Variants in CLYBL observed in about 807,000 individuals in gnomAD.
The protein encoded by CLYBL is citramalyl-CoA lyase, mitochondrial.
A neutral mutation model predicts 38.9 loss-of-function variants in CLYBL; 31 were observed. That is an observed-to-expected ratio of 0.80 (90% confidence interval 0.60 to 1.08). The LOEUF is 1.08. Ranked by LOEUF, CLYBL falls within the 50% of genes least tolerant of loss-of-function variation. The probability of loss-of-function intolerance (pLI) is 0.00; values close to 1 mark genes in which losing one functional copy is unlikely to be tolerated. For missense variants in CLYBL, 434 were observed against 411.6 expected (o/e 1.05, Z -0.47); for synonymous variants, 171 against 158.6 (o/e 1.08, Z -0.59).
chr13:99,905,953 T>C (rs2052693569), intron 9 of CLYBL, among the ~76,000 whole-genome samples: 2 of 152,126 alleles, frequency 1.3e-5, no homozygotes, highest in African/African-American at 4.8e-5. Flanking sequence ...TTTGTATTTT[T>C]TGTAGAAACG....
chr13:99,623,580 A>C (rs1048822451), intron 1 of CLYBL, among the ~76,000 whole-genome samples: 6 of 151,904 alleles, frequency 3.9e-5, no homozygotes, highest in African/African-American at 9.7e-5. Flanking sequence ...TTATTTCTTT[A>C]TTTATTTTTT....
chr13:99,849,054 G>A lies in CLYBL; in HGVS notation c.250-9807G>A, dbSNP rs189593179. ...CTTGGGAGGCTGAGGCTGGAGAATC[G>A]CTTGAACCCAGGAGGTGGAGGCTGC... On this transcript the variant is annotated intron_variant, in intron 2 of 8. Coordinates refer to ENST00000339105, the MANE Select transcript of CLYBL (RefSeq NM_206808.5). The surrounding 1 kb of genome is among the most constrained non-coding windows in gnomAD (Gnocchi z 4.9). 3.4e-4 allele frequency among the ~76,000 whole-genome samples: 51 copies of A among 151,958 alleles called. No individual in the cohort carries two copies. Among genetic ancestry groups the A allele is most frequent in the African/African-American group, 6.0e-4 (25 of 41,422 alleles).
chr13:99,736,175 G>C (rs2139586304), intron 1 of CLYBL, among the ~76,000 whole-genome samples: 1 of 149,690 alleles, frequency 6.7e-6, no homozygotes, highest in Admixed American at 6.8e-5. Context: ...CTCCTAAGCA[G>C]TTGGGATTAC....
At chr13:99,665,686 C>G (rs1359441995) in intron 1 of CLYBL, among the ~76,000 whole-genome samples, 3 of 151,940 alleles carry the variant, frequency 2.0e-5, no homozygotes, top group Non-Finnish European at 4.4e-5. Flanking sequence ...TCGAATCGAG[C>G]TTAATTTCTG....
chr13:99,825,274 G>A (rs1163868833), intron 2 of CLYBL, among the ~76,000 whole-genome samples: 1 of 152,172 alleles, frequency 6.6e-6, no homozygotes, highest in African/African-American at 2.4e-5. Flanking sequence ...CGTCAGGACA[G>A]GCTGTTAACC....
At chr13:99,827,528 T>A (rs1387964480) in intron 2 of CLYBL, among the ~76,000 whole-genome samples, 4 of 152,110 alleles carry the variant, frequency 2.6e-5, no homozygotes, top group Non-Finnish European at 5.9e-5. Flanking sequence ...GGACAGGACC[T>A]CCCCTTAGGA....
chr13:99,628,956 G>C (rs2046906464), intron 1 of CLYBL, among the ~76,000 whole-genome samples: 1 of 152,208 alleles, frequency 6.6e-6, no homozygotes, highest in Admixed American at 6.5e-5. Flanking sequence ...AAAAAAAATT[G>C]ACTATGGTAA....
intron 1 of CLYBL, among the ~76,000 whole-genome samples, chr13:99,651,943 A>AG (rs961038645): frequency 6.6e-6 from 1 of 151,080 alleles, no homozygotes; most frequent in Non-Finnish European, 1.5e-5. Context: ...GGGGGAAAAA[A>AG]AGATTCTTGG....
At chr13:99,791,940 T>G (rs2049925938) in intron 2 of CLYBL, among the ~76,000 whole-genome samples, 1 of 152,174 alleles carries the variant, frequency 6.6e-6, no homozygotes, top group Non-Finnish European at 1.5e-5. Context: ...TGCTATTTTT[T>G]AAGCTTCCCC....
chr13:99,671,330 A>C (rs913537614), intron 1 of CLYBL, among the ~76,000 whole-genome samples: 2 of 152,162 alleles, frequency 1.3e-5, no homozygotes, highest in African/African-American at 4.8e-5. Flanking sequence ...CTGCAGGCCA[A>C]AGAGTTTGAG....
chr13:99,651,825 G>T (rs2047257707), intron 1 of CLYBL, among the ~76,000 whole-genome samples: 1 of 152,076 alleles, frequency 6.6e-6, no homozygotes, highest in African/African-American at 2.4e-5. Flanking sequence ...CCAGCTACTT[G>T]GGAGGCTGAG....
At chr13:99,665,818 T>C (rs772816242) in intron 1 of CLYBL, among the ~76,000 whole-genome samples, 1 of 152,218 alleles carries the variant, frequency 6.6e-6, no homozygotes, top group Non-Finnish European at 1.5e-5. Flanking sequence ...TGATTCATGT[T>C]AGATAAAACA....
At chr13:99,857,572 C>T (rs2051491181) in intron 2 of CLYBL, among the ~76,000 whole-genome samples, 1 of 152,180 alleles carries the variant, frequency 6.6e-6, no homozygotes, top group Admixed American at 6.5e-5. Flanking sequence ...CTCTTCCCAT[C>T]TGACCCGACA....
intron 1 of CLYBL, among the ~76,000 whole-genome samples, chr13:99,709,919 C>CTTTTT (rs2048202258): frequency 8.7e-6 from 1 of 115,062 alleles, no homozygotes; most frequent in African/African-American, 3.3e-5. Context: ...TTTTTTCTTT[C>CTTTTT]TTTCTTTTTT....
At chr13:99,789,087 T>C (rs2049861346) in intron 2 of CLYBL, among the ~76,000 whole-genome samples, 1 of 152,200 alleles carries the variant, frequency 6.6e-6, no homozygotes, top group African/African-American at 2.4e-5. Context: ...TTGATTCTTC[T>C]CTCTTTTCTT....
intron 1 of CLYBL, among the ~76,000 whole-genome samples, chr13:99,754,902 C>T (rs1278120519): frequency 1.5e-5 from 2 of 135,976 alleles, no homozygotes; most frequent in African/African-American, 5.7e-5. Flanking sequence ...TAGATGATCT[C>T]TTTTTTTTTT....
intron 1 of CLYBL, among the ~76,000 whole-genome samples, chr13:99,637,375 T>A (rs1273359288): frequency 6.6e-6 from 1 of 152,240 alleles, no homozygotes; most frequent in African/African-American, 2.4e-5. Context: ...CTAAGCCATT[T>A]CTGTCAAATC....
chr13:99,907,563 A>T (rs1358061041), intron 9 of CLYBL, among the ~76,000 whole-genome samples: 2 of 152,128 alleles, frequency 1.3e-5, no homozygotes, highest in African/African-American at 2.4e-5. Flanking sequence ...CTAACTATAC[A>T]TCAATTTTTT....
chr13:99,781,120 TC>T (rs1317794974), intron 2 of CLYBL, among the ~76,000 whole-genome samples: 104 of 150,978 alleles, frequency 6.9e-4, no homozygotes, highest in African/African-American at 2.4e-3. Flanking sequence ...CATCTTTCTT[TC>T]CTTTTAAAAT....
Sources: allele counts gnomAD v4.1 joint callset (sites outside exome capture counted in the v4.1 genomes callset), GRCh38; gene constraint gnomAD v4.1.1; non-coding constraint Gnocchi (gnomAD v3.1); transcripts MANE v1.5; gene names NCBI Gene and HGNC (gene_info 2026-07-23, HGNC 2026-07-21).